The following PCDHA4 variants were observed in gnomAD, a reference collection of about 807,000 sequenced individuals.
The protein encoded by PCDHA4 is protocadherin alpha-4.
Under a neutral mutation model 61.4 loss-of-function variants are expected in PCDHA4, and 49 were observed. The ratio of observed to expected loss-of-function variants is 0.80; its 90% CI spans 0.63 to 1.01. The LOEUF (loss-of-function observed/expected upper bound fraction) is 1.01. PCDHA4 is among the 50% of genes least tolerant of loss of function. PCDHA4 has a pLI of 0.00. For synonymous variants in PCDHA4, 590 were observed against 550.3 expected (o/e 1.07, Z -1.01); for missense variants, 1,254 against 1,235.8 (o/e 1.01, Z -0.22).
At chr5:140,929,557 A>AT (rs2086230665) in intron 1 of PCDHA4, 1 of 478,260 alleles carries the variant, frequency 2.1e-6, no homozygotes, top group Non-Finnish European at 3.6e-6. Flanking sequence ...ATTAAAACCT[A>AT]TTTAAGAACA....
chr5:140,927,008 T>C (rs1482906318), intron 1 of PCDHA4: 1 of 1,612,396 alleles, frequency 6.2e-7, no homozygotes, highest in Admixed American at 1.7e-5. Context: ...GTAGGCAATC[T>C]CTCCGCGGAC....
intron 1 of PCDHA4, among the ~76,000 whole-genome samples, chr5:140,942,794 A>C (rs782783696): frequency 2.6e-4 from 39 of 152,326 alleles, no homozygotes; most frequent in Middle Eastern, 3.4e-3. Flanking sequence ...TTACAAAGGC[A>C]TGTTTTCCAC....
intron 3 of PCDHA4, among the ~76,000 whole-genome samples, chr5:140,985,279 A>G (rs1168353248): frequency 1.3e-5 from 2 of 152,150 alleles, no homozygotes; most frequent in Non-Finnish European, 2.9e-5. Context: ...CTTTTCTGCA[A>G]TCTATGATAT....
At chr5:140,830,235 T>A in intron 1 of PCDHA4, 3 of 1,613,922 alleles carry the variant, frequency 1.9e-6, no homozygotes, top group Non-Finnish European at 2.5e-6. Flanking sequence ...GTCCTCACGC[T>A]ACTGCTGTAC....
chr5:140,931,649 G>A (rs2087653878), intron 1 of PCDHA4, among the ~76,000 whole-genome samples: 1 of 151,904 alleles, frequency 6.6e-6, no homozygotes, highest in African/African-American at 2.4e-5. Context: ...GCTAATAATT[G>A]TTGTGGGCTG....
intron 1 of PCDHA4, among the ~76,000 whole-genome samples, chr5:140,962,962 A>G (rs1273558602): frequency 1.3e-5 from 2 of 152,194 alleles, no homozygotes; most frequent in South Asian, 2.1e-4. Flanking sequence ...CTATCCCTAT[A>G]TAGGAAATTT....
rs2150529227 is a variant in PCDHA4 at position 140,853,161 on chromosome 5, G to A, written c.2385+43589G>A. 6.4e-6 allele frequency: 6 copies of A among 935,678 alleles called. 1 individual carries two copies. Among genetic ancestry groups the A allele is most frequent in the Non-Finnish European group, 6.5e-6 (5 of 772,756 alleles). 58.0% of individuals were successfully genotyped at this position (935,678 alleles called of 1,614,324 possible). ...CCCAAAATGCTGGGATTACAGGCGT[G>A]AGCCACCGCGCCTGGCCTAAAATGT... is the stretch of plus-strand genomic sequence containing the variant. On this transcript the variant is annotated intron_variant, in intron 1 of 3. Coordinates refer to ENST00000530339, the MANE Select transcript of PCDHA4 (RefSeq NM_018907.4).
intron 1 of PCDHA4, among the ~76,000 whole-genome samples, chr5:140,905,387 G>T (rs1554192032): frequency 1.3e-5 from 2 of 152,138 alleles, no homozygotes; most frequent in African/African-American, 4.8e-5. Context: ...TGTTTCATAG[G>T]TCTGTGTGCC....
intron 3 of PCDHA4, among the ~76,000 whole-genome samples, chr5:140,988,416 A>G (rs1462025901): frequency 6.6e-6 from 1 of 152,118 alleles, no homozygotes; most frequent in Non-Finnish European, 1.5e-5. Flanking sequence ...AGCTTATGTA[A>G]AGAATTTGTT....
intron 1 of PCDHA4, among the ~76,000 whole-genome samples, chr5:140,951,465 C>G (rs1304466995): frequency 1.3e-5 from 2 of 151,966 alleles, no homozygotes; most frequent in Non-Finnish European, 2.9e-5. Context: ...TGCTTGGCTT[C>G]TGGGGAGCCT....
intron 1 of PCDHA4, chr5:140,842,500 C>T: frequency 1.9e-6 from 3 of 1,613,834 alleles, no homozygotes; most frequent in Middle Eastern, 1.6e-4. Context: ...TGCCCCATGT[C>T]CCCTTCAAGC....
Position 141,011,146 on chromosome 5 carries a change from C to T in PCDHA4, c.*1209C>T, listed in dbSNP as rs1180133019. On this transcript the variant is annotated 3_prime_UTR_variant, in exon 4 of 4. Transcript: ENST00000530339. ...TATGTGCACTTTGATACACAACCTT[C>T]TCTAACCAACTATATATCAAGACCC... The T allele has an allele frequency of 6.5e-6, 1 of 153,746 alleles. No individual in the cohort carries two copies. The highest frequency in any genetic ancestry group is 2.1e-4 in the South Asian group (1 of 4,824). The allele number at this position is 153,746 out of a possible 1,614,324, so 9.5% of individuals were successfully genotyped here.
At chr5:140,843,120 A>T (rs782103518) in intron 1 of PCDHA4, 2 of 1,595,472 alleles carry the variant, frequency 1.3e-6, no homozygotes, top group African/African-American at 2.7e-5. Flanking sequence ...GTGGACGCCG[A>T]CTCGGGCTAC....
chr5:140,830,610 TTTA>T lies in PCDHA4; in HGVS notation c.2385+21041_2385+21043del, dbSNP rs1771162237. 8.1e-6 allele frequency: 5 copies of T among 618,590 alleles called. No homozygotes were observed. In the East Asian group the frequency reaches 1.0e-4, roughly 13 times the overall value. The allele number at this position is 618,590 out of a possible 1,614,324, so 38.3% of individuals were successfully genotyped here. On this transcript the variant is annotated intron_variant, in intron 1 of 3. Transcript: ENST00000530339. ...ATTTTACAAAATTACATATTTTCAT[TTTA>T]TTGTGTTTCTTATTTTAATCTCTTT...
At chr5:140,993,667 C>T (rs2097576739) in intron 3 of PCDHA4, among the ~76,000 whole-genome samples, 1 of 152,052 alleles carries the variant, frequency 6.6e-6, no homozygotes, top group African/African-American at 2.4e-5. Context: ...AACAATGGAC[C>T]ACATATGTGA....
chr5:140,873,785 C>T (rs1035020245), intron 1 of PCDHA4, among the ~76,000 whole-genome samples: 2 of 152,146 alleles, frequency 1.3e-5, no homozygotes, highest in Non-Finnish European at 2.9e-5. Flanking sequence ...CTCAGCTTTC[C>T]GAGAAGCTGG....
At chr5:140,927,713 A>G in intron 1 of PCDHA4, 1 of 1,614,180 alleles carries the variant, frequency 6.2e-7, no homozygotes, top group Non-Finnish European at 8.5e-7. Flanking sequence ...TCCCTAAGCA[A>G]CAGCACGCAA....
intron 3 of PCDHA4, among the ~76,000 whole-genome samples, chr5:141,002,953 T>G (rs2098104496): frequency 1.3e-5 from 2 of 152,230 alleles, no homozygotes; most frequent in Non-Finnish European, 2.9e-5. Context: ...CATGCCCCTC[T>G]GAGAGCTTTC....
chr5:140,828,337 C>A (rs2150154225), intron 1 of PCDHA4: 1 of 1,614,234 alleles, frequency 6.2e-7, no homozygotes. Flanking sequence ...TGCAGAATGG[C>A]ATTTTGTTTG....
Sources: allele counts gnomAD v4.1 joint callset (sites outside exome capture counted in the v4.1 genomes callset), GRCh38; gene constraint gnomAD v4.1.1; transcripts MANE v1.5; gene names NCBI Gene and HGNC (gene_info 2026-07-23, HGNC 2026-07-21).